TMEM185B: variants seen among roughly 807,000 people sequenced by gnomAD.
The protein encoded by TMEM185B is ee3_2.
A neutral mutation model predicts 26.2 loss-of-function variants in TMEM185B; 9 were observed. That is an observed-to-expected ratio of 0.34 (90% CI 0.21 to 0.60). The LOEUF (loss-of-function observed/expected upper bound fraction) is 0.60. Among genes scored for constraint, TMEM185B ranks in the 20% least tolerant of loss-of-function variants. TMEM185B has a pLI of 0.80. For missense variants in TMEM185B, 392 were observed against 447.9 expected, an observed-to-expected ratio of 0.88 and a Z score of 1.13; for synonymous variants, 204 against 191.8, an observed-to-expected ratio of 1.06 and a Z score of -0.52.
rs1185755901 is a variant in TMEM185B at position 120,222,067 on chromosome 2, T to C, written c.910A>G (p.Ser304Gly). 2 of 1,548,504 alleles carry C rather than the reference T, an allele frequency of 1.3e-6. No homozygotes were observed. The highest frequency in any genetic ancestry group is 1.7e-6 in the Non-Finnish European group (2 of 1,147,238). Residue 304 changes from serine to glycine, a missense_variant, in exon 1 of 1, where the codon AGT becomes GGT. Ser to Gly is a moderately conservative substitution (Grantham distance 56, BLOSUM62 0). Coordinates refer to ENST00000426077, the MANE Select transcript of TMEM185B (RefSeq NM_024121.3). ...ACTGATGTTTCTTCAGCATCTTCAC[T>C]ATCTTCGTGATGGAGATCATATGAA... ...NISYDLHHED[S>G]EDAEETSVPE...
Position 120,222,646 on chromosome 2 carries a change from A to C in TMEM185B, c.331T>G (p.Phe111Val). The C allele has an allele frequency of 6.5e-7, 1 of 1,536,500 alleles. No homozygotes were observed. The highest frequency in any genetic ancestry group is 2.4e-5 in the East Asian group (1 of 40,916). ...VCDRVERGTHFWLLVFMPLFF... is the reference protein window; with the variant it reads ...VCDRVERGTHVWLLVFMPLFF... Reference sequence around the variant, plus strand: ...AGAGGCATGAAGACCAGCAGCCAGAAGTGGGTGCCCCTCTCCACCCTGTCG... The same window carrying C: ...AGAGGCATGAAGACCAGCAGCCAGACGTGGGTGCCCCTCTCCACCCTGTCG... The change falls in exon 1 of 1, where the codon TTC becomes GTC. Residue 111 changes from phenylalanine (F) to valine (V), a missense_variant. This residue lies in a region of TMEM185B where 175 missense variants were observed against 169.1 expected (regional missense o/e 1.03). Coordinates refer to ENST00000426077, the MANE Select transcript of TMEM185B (RefSeq NM_024121.3).
chr2:120,221,336 C>T lies in TMEM185B; in HGVS notation c.*588G>A, dbSNP rs2104550698. ...GGTAATGCAGAGAACTAGAATTCAA[C>T]ATATTACACTGCTAAAATATTCATA... On this transcript the variant is annotated 3_prime_UTR_variant, in exon 1 of 1. Transcript: ENST00000426077. 1 of 152,390 alleles carries T rather than the reference C, an allele frequency of 6.6e-6. No individual in the cohort carries two copies. The highest frequency in any genetic ancestry group is 6.5e-5 in the Admixed American group (1 of 15,300). 9.4% of individuals were successfully genotyped at this position (152,390 alleles called of 1,614,324 possible).
Position 120,223,136 on chromosome 2 carries a change from G to T in TMEM185B, c.-160C>A, listed in dbSNP as rs548990994. 8.3e-3 allele frequency: 4,057 copies of T among 488,448 alleles called. 34 individuals carry two copies. The highest frequency in any genetic ancestry group is 9.6e-3 in the Non-Finnish European group (2,966 of 308,860). 30.3% of individuals were successfully genotyped at this position (488,448 alleles called of 1,614,324 possible). ...AGGAGGAGGTTCGGAGCGGCGAAGC[G>T]GAGAGGCCGGAACACGTGCACGCGC... On this transcript the variant is annotated 5_prime_UTR_variant, in exon 1 of 1. Coordinates refer to ENST00000426077, the MANE Select transcript of TMEM185B (RefSeq NM_024121.3).
Position 120,218,087 on chromosome 2 carries a change from G to C in TMEM185B, c.*3837C>G, listed in dbSNP as rs1177644676. Among the ~76,000 whole-genome samples the C allele has an allele frequency of 6.6e-6, 1 of 152,192 alleles. No individual in the cohort carries two copies. The highest frequency in any genetic ancestry group is 1.5e-5 in the Non-Finnish European group (1 of 68,046). On this transcript the variant is annotated 3_prime_UTR_variant, in exon 1 of 1. Coordinates refer to ENST00000426077, the MANE Select transcript of TMEM185B (RefSeq NM_024121.3). ...TTGTCATCTGAACACCCTTCCTTTT[G>C]GGAAAATCTTTTATCGAGTGAGTTC...
chr2:120,221,772 C>T lies in TMEM185B; in HGVS notation c.*152G>A. The T allele has an allele frequency of 1.5e-6, 1 of 680,856 alleles. No homozygotes were observed. Among genetic ancestry groups the T allele is most frequent in the Non-Finnish European group, 2.4e-6 (1 of 414,206 alleles). The allele number at this position is 680,856 out of a possible 1,614,324, so 42.2% of individuals were successfully genotyped here. A position where few individuals can be genotyped will look rare whatever the true frequency, so the allele number is the denominator to read the frequency against. ...CACACACACCCACATACTGAAACCA[C>T]CTCCATCTATGATGCATACTGATGA... On this transcript the variant is annotated 3_prime_UTR_variant, in exon 1 of 1. Coordinates refer to ENST00000426077, the MANE Select transcript of TMEM185B (RefSeq NM_024121.3).
Position 120,221,990 on chromosome 2 carries a change from A to G in TMEM185B, c.987T>C (p.Val329=). 6.5e-7 allele frequency: 1 copy of G among 1,538,126 alleles called. No homozygotes were observed. Among genetic ancestry groups the G allele is most frequent in the Non-Finnish European group, 8.7e-7 (1 of 1,146,922 alleles). The change falls in exon 1 of 1, where the codon GTT becomes GTC. Residue 329 remains valine (V), a synonymous_variant. Transcript: ENST00000426077. ...CGTATTTCCCAGGGCTCTGGGTTAT[A>G]ACTACTCTGGCCTTCTTTCCAAATA... The part of the protein sequence containing the change: ...APIFGKKARV[V]ITQSPGKYVP...
Position 120,222,759 on chromosome 2 carries a change from G to A in TMEM185B, c.218C>T (p.Thr73Ile), listed in dbSNP as rs899097862. 1.6e-5 allele frequency: 25 copies of A among 1,536,220 alleles called. No individual in the cohort carries two copies. The highest frequency in any genetic ancestry group is 2.1e-5 in the Non-Finnish European group (24 of 1,146,904). The change falls in exon 1 of 1, where the codon ACC becomes ATC. Residue 73 changes from threonine to isoleucine, a missense_variant. Transcript: ENST00000426077. ...GVWARNPRYR[T>I]EGEACVEFKA... ...GAACTCCACACAGGCCTCTCCCTCGGTGCGGTAGCGAGGGTTGCGGGCCCA... is the reference window on the plus strand; with the variant it reads ...GAACTCCACACAGGCCTCTCCCTCGATGCGGTAGCGAGGGTTGCGGGCCCA...
Position 120,219,385 on chromosome 2 carries a change from C to G in TMEM185B, c.*2539G>C, listed in dbSNP as rs1688549853. ...TTCTGTTTTTACCTAATGGTCCTGACAGCGGATGGCCTACCTGGTGAGAAA... is the reference window on the plus strand; with the variant it reads ...TTCTGTTTTTACCTAATGGTCCTGAGAGCGGATGGCCTACCTGGTGAGAAA... On this transcript the variant is annotated 3_prime_UTR_variant, in exon 1 of 1. Coordinates refer to ENST00000426077, the MANE Select transcript of TMEM185B (RefSeq NM_024121.3). Among the ~76,000 whole-genome samples the G allele has an allele frequency of 6.6e-6, 1 of 152,198 alleles. No homozygotes were observed. The highest frequency in any genetic ancestry group is 6.5e-5 in the Admixed American group (1 of 15,288).
At position 120,222,654 on chromosome 2, in the gene TMEM185B, C is replaced by A; in HGVS notation, c.323G>T (p.Gly108Val). The A allele has an allele frequency of 6.5e-7, 1 of 1,536,462 alleles. No individual in the cohort carries two copies. Among genetic ancestry groups the A allele is most frequent in the Non-Finnish European group, 8.7e-7 (1 of 1,146,988 alleles). ...GAAGACCAGCAGCCAGAAGTGGGTG[C>A]CCCTCTCCACCCTGTCGCAGACCAG... ...EVLVCDRVER[G>V]THFWLLVFMP... The change falls in exon 1 of 1, where the codon GGC becomes GTC. Residue 108 changes from glycine (G) to valine (V), a missense_variant. Around this residue, in one of 3 missense-constraint regions of TMEM185B, gnomAD observed 175 missense variants for 169.1 expected, o/e 1.03. Coordinates refer to ENST00000426077, the MANE Select transcript of TMEM185B (RefSeq NM_024121.3).
rs1449070215 is a variant in TMEM185B, at chr2:120,222,421, C to T, written c.556G>A (p.Val186Ile). The change falls in exon 1 of 1, where the codon GTC becomes ATC. Residue 186 changes from valine (V) to isoleucine (I), a missense_variant. Around this residue, in one of 3 missense-constraint regions of TMEM185B, gnomAD observed 41 missense variants for 77.3 expected, o/e 0.53. Transcript: ENST00000426077. ...WILMSFLCLV[V>I]LYYIVWSLLF... is the part of the protein sequence containing the mutation. ...AGGGACCAGACGATGTAATAGAGGA[C>T]GACCAGGCAAAGGAACGACATGAGG... The T allele has an allele frequency of 6.5e-7, 1 of 1,536,142 alleles. No individual in the cohort carries two copies. Among genetic ancestry groups the T allele is most frequent in the Admixed American group, 2.0e-5 (1 of 50,986 alleles).
rs997608695 is a variant in TMEM185B, at chr2:120,218,600, C to T, written c.*3324G>A. Among the ~76,000 whole-genome samples the T allele has an allele frequency of 2.0e-5, 3 of 152,226 alleles. No homozygotes were observed. Among genetic ancestry groups the T allele is most frequent in the South Asian group, 4.1e-4 (2 of 4,838 alleles). On this transcript the variant is annotated 3_prime_UTR_variant, in exon 1 of 1. Transcript: ENST00000426077. The stretch of plus-strand genomic sequence containing the variant: ...GCGCCCAGGCTTCGCCTTTCCAAAG[C>T]GCCTTGCATAGCCCTCCGGAGAAAC...
Position 120,222,505 on chromosome 2 carries a change from G to A in TMEM185B, c.472C>T (p.Leu158=), listed in dbSNP as rs1688605783. The A allele has an allele frequency of 2.0e-6, 3 of 1,536,248 alleles. No individual in the cohort carries two copies. The highest frequency in any genetic ancestry group is 2.0e-5 in the Admixed American group (1 of 51,000). ...CAGTGAATAATCCTGTCCAGCTTTA[G>A]GGCGATGAAGATGAACTGCAGGATG... ...VNILQFIFIA[L]KLDRIIHWPW... The change falls in exon 1 of 1, where the codon CTA becomes TTA. Residue 158 remains leucine, a synonymous_variant. Coordinates refer to ENST00000426077, the MANE Select transcript of TMEM185B (RefSeq NM_024121.3).
At position 120,220,930 on chromosome 2, in the gene TMEM185B, C is replaced by T. The variant is rs1452201693; in HGVS notation, c.*994G>A. On this transcript the variant is annotated 3_prime_UTR_variant, in exon 1 of 1. Transcript: ENST00000426077. The stretch of plus-strand genomic sequence containing the variant: ...TCCATCTTTCCAATGACAAGTAATG[C>T]TTCACACTACAGCCAACTAATAGTT... Among the ~76,000 whole-genome samples the T allele has an allele frequency of 2.0e-5, 3 of 152,188 alleles. No homozygotes were observed. Among genetic ancestry groups the T allele is most frequent in the African/African-American group, 7.2e-5 (3 of 41,448 alleles).
rs990941029 is a variant in TMEM185B, at chr2:120,218,002, G to A, written c.*3922C>T. 3.3e-5 allele frequency among the ~76,000 whole-genome samples: 5 copies of A among 152,306 alleles called. No homozygotes were observed. The highest frequency in any genetic ancestry group is 1.2e-4 in the African/African-American group (5 of 41,552). ...GTCAGGTGGGAGCCTGATTTCTGAG[G>A]TGCGCGCATGGGAAGATGGGGGTGC... On this transcript the variant is annotated 3_prime_UTR_variant, in exon 1 of 1. Transcript: ENST00000426077.
At position 120,220,899 on chromosome 2, in the gene TMEM185B, ACT is replaced by A. The variant is rs1311273697; in HGVS notation, c.*1023_*1024del. On this transcript the variant is annotated 3_prime_UTR_variant, in exon 1 of 1. Coordinates refer to ENST00000426077, the MANE Select transcript of TMEM185B (RefSeq NM_024121.3). ...CTACTGACCACTTCCGGTTAAGGCC[ACT>A]CTCTCCATCTTTCCAATGACAAGTA... is the stretch of plus-strand genomic sequence containing the variant. 5.9e-5 allele frequency among the ~76,000 whole-genome samples: 9 copies of A among 152,162 alleles called. No individual in the cohort carries two copies. In the South Asian group the frequency reaches 6.2e-4, roughly 10 times the overall value.
At position 120,220,009 on chromosome 2, in the gene TMEM185B, T is replaced by C. The variant is rs1049248405; in HGVS notation, c.*1915A>G. On this transcript the variant is annotated 3_prime_UTR_variant, in exon 1 of 1. Coordinates refer to ENST00000426077, the MANE Select transcript of TMEM185B (RefSeq NM_024121.3). ...TGCCGGCTGGTGTAAACTGCCAGTG[T>C]GAGAGAGACAGAGCGAGCTCCCTCA... is the stretch of plus-strand genomic sequence containing the variant. 2.0e-5 allele frequency among the ~76,000 whole-genome samples: 3 copies of C among 152,240 alleles called. No homozygotes were observed. Among genetic ancestry groups the C allele is most frequent in the African/African-American group, 7.2e-5 (3 of 41,466 alleles).
rs1035242741 is a variant in TMEM185B at position 120,220,405 on chromosome 2, C to A, written c.*1519G>T. On this transcript the variant is annotated 3_prime_UTR_variant, in exon 1 of 1. Coordinates refer to ENST00000426077, the MANE Select transcript of TMEM185B (RefSeq NM_024121.3). ...ACTCTTGCAGGATCCAGCTTCTGCCCTGATTCCCTGGTGTACCACCAGCAC... is the reference window on the plus strand; with the variant it reads ...ACTCTTGCAGGATCCAGCTTCTGCCATGATTCCCTGGTGTACCACCAGCAC... 6.6e-6 allele frequency among the ~76,000 whole-genome samples: 1 copy of A among 152,226 alleles called. No individual in the cohort carries two copies. Among genetic ancestry groups the A allele is most frequent in the South Asian group, 2.1e-4 (1 of 4,832 alleles).
rs1032704974 is a variant in TMEM185B at position 120,223,102 on chromosome 2, G to T, written c.-126C>A. ...AGCCGGCTCCGCGTGGACGAATGCC[G>T]GGACGACCAGGAGGAGGTTCGGAGC... is the stretch of plus-strand genomic sequence containing the variant. On this transcript the variant is annotated 5_prime_UTR_variant, in exon 1 of 1. Transcript: ENST00000426077. The T allele has an allele frequency of 4.7e-6, 3 of 640,508 alleles. No homozygotes were observed. The highest frequency in any genetic ancestry group is 3.8e-5 in the African/African-American group (2 of 52,314). 39.7% of individuals were successfully genotyped at this position (640,508 alleles called of 1,614,324 possible).
At position 120,222,058 on chromosome 2, in the gene TMEM185B, C is replaced by A; in HGVS notation, c.919G>T (p.Ala307Ser). ...YDLHHEDSED[A>S]EETSVPEAPK... ...GCTTCTGGAACTGATGTTTCTTCAGCATCTTCACTATCTTCGTGATGGAGA... is the reference window on the plus strand; with the variant it reads ...GCTTCTGGAACTGATGTTTCTTCAGAATCTTCACTATCTTCGTGATGGAGA... The change falls in exon 1 of 1, where the codon GCT becomes TCT. Residue 307 changes from alanine (A) to serine (S), a missense_variant. Ala to Ser is a moderately conservative substitution (Grantham distance 99). This residue lies in a region of TMEM185B where 176 missense variants were observed against 201.6 expected (regional missense o/e 0.87). Transcript: ENST00000426077. The A allele has an allele frequency of 3.9e-6, 6 of 1,547,438 alleles. No individual in the cohort carries two copies. Among genetic ancestry groups the A allele is most frequent in the Non-Finnish European group, 4.4e-6 (5 of 1,147,072 alleles).
Sources: allele counts gnomAD v4.1 joint callset (sites outside exome capture counted in the v4.1 genomes callset), GRCh38; gene constraint gnomAD v4.1.1; regional missense constraint gnomAD v4.1.1; transcripts MANE v1.5; gene names NCBI Gene and HGNC (gene_info 2026-07-23, HGNC 2026-07-21).